UBAP2: variants seen among roughly 807,000 people sequenced by gnomAD.
UBAP2 encodes the protein ubiquitin-associated protein 2.
In UBAP2, 75 loss-of-function variants were observed where a neutral mutation model predicts 139.6. The ratio of observed to expected loss-of-function variants is 0.54; its 90% CI spans 0.45 to 0.65. The LOEUF (loss-of-function observed/expected upper bound fraction) is 0.65, where lower values mean the gene tolerates loss of function less well. Ranked by LOEUF, UBAP2 falls within the 30% of genes least tolerant of loss-of-function variation. The pLI is 0.00. For synonymous variants in UBAP2, 526 were observed against 526.2 expected (o/e 1.00, Z 0.01); for missense variants, 1,368 against 1,369.6 (o/e 1.00, Z 0.02).
Position 34,025,888 on chromosome 9 carries a change from G to GT in UBAP2, c.-41-8700dup, listed in dbSNP as rs577959098. Among the ~76,000 whole-genome samples, 60 of 152,134 alleles carry GT rather than the reference G, an allele frequency of 3.9e-4. No homozygotes were observed. The East Asian group carries it at 0.01, about 26-fold the overall frequency. On this transcript the variant is annotated intron_variant, in intron 1 of 28. Coordinates refer to ENST00000379238, the MANE Select transcript of UBAP2 (RefSeq NM_001370062.2). ...AGCTACCATGCCCGGTTTAACTGCT[G>GT]TTTTTTTCAAGGACCTTTCTGAAGA...
chr9:33,942,861 C>G (rs1825356995), intron 15 of UBAP2, among the ~76,000 whole-genome samples: 1 of 152,168 alleles, frequency 6.6e-6, no homozygotes, highest in South Asian at 2.1e-4. Context: ...GTAGGAATGT[C>G]AAATGCTACA....
At chr9:33,960,528 C>A (rs1166599752) in intron 10 of UBAP2, among the ~76,000 whole-genome samples, 1 of 152,028 alleles carries the variant, frequency 6.6e-6, no homozygotes, top group Non-Finnish European at 1.5e-5. Flanking sequence ...ATAATCCCAG[C>A]ACTTTGGGAG....
At chr9:33,992,993 CACAA>C (rs1369162663) in intron 4 of UBAP2, among the ~76,000 whole-genome samples, 1 of 152,174 alleles carries the variant, frequency 6.6e-6, no homozygotes, top group Admixed American at 6.5e-5. Context: ...AAACTACCAA[CACAA>C]ACAACTTACT....
chr9:34,028,162 T>C (rs963417538), intron 1 of UBAP2, among the ~76,000 whole-genome samples: 1 of 151,972 alleles, frequency 6.6e-6, no homozygotes, highest in Non-Finnish European at 1.5e-5. Context: ...CACAAAGTTA[T>C]CTGCTGTTCC....
intron 3 of UBAP2, chr9:33,996,666 C>A (rs1427934220): frequency 4.5e-6 from 1 of 224,256 alleles, no homozygotes; most frequent in Admixed American, 5.7e-5. Context: ...TTCAAGCACA[C>A]AGGATTCCTA....
At chr9:33,935,556 C>T (rs1824421594) in intron 17 of UBAP2, 1 of 432,332 alleles carries the variant, frequency 2.3e-6, no homozygotes, top group Non-Finnish European at 4.1e-6. Context: ...CATCAGCCAC[C>T]CCGCCTGGCC....
At chr9:33,973,376 C>CA in intron 6 of UBAP2, 139 bp from the exon 7 acceptor site, 1 of 874,652 alleles carries the variant, frequency 1.1e-6, no homozygotes, top group East Asian at 2.6e-5. Flanking sequence ...CCAGGGCACC[C>CA]AATTAACTGA....
chr9:33,942,839 C>T (rs1191268551), intron 15 of UBAP2, among the ~76,000 whole-genome samples: 2 of 152,150 alleles, frequency 1.3e-5, no homozygotes, highest in Admixed American at 1.3e-4. Flanking sequence ...TTAGATCCCT[C>T]ATAGACTACT....
intron 2 of UBAP2, among the ~76,000 whole-genome samples, chr9:34,016,540 C>G (rs751191735): frequency 5.8e-4 from 88 of 151,808 alleles, no homozygotes; most frequent in Admixed American, 2.1e-3. Flanking sequence ...TCATTACCTA[C>G]TTTTTATTTT....
At chr9:33,926,584 C>A in intron 22 of UBAP2, 33 bp downstream of exon 22, 1 of 1,613,700 alleles carries the variant, frequency 6.2e-7, no homozygotes, top group Non-Finnish European at 8.5e-7. Flanking sequence ...AGATTCTGAA[C>A]CCTCTGCTCC....
chr9:33,979,224 T>A (rs1360953472), intron 6 of UBAP2, among the ~76,000 whole-genome samples: 1 of 152,082 alleles, frequency 6.6e-6, no homozygotes, highest in Non-Finnish European at 1.5e-5. Context: ...GGTAACAGAG[T>A]GAGACCCTGT....
chr9:34,032,619 A>G (rs1825979270), intron 1 of UBAP2, among the ~76,000 whole-genome samples: 1 of 152,166 alleles, frequency 6.6e-6, no homozygotes, highest in Non-Finnish European at 1.5e-5. Flanking sequence ...CCAGTCACAG[A>G]GATTAAGAAT....
intron 2 of UBAP2, chr9:34,011,517 A>G: frequency 1.8e-6 from 1 of 547,006 alleles, no homozygotes; most frequent in South Asian, 8.0e-5. Flanking sequence ...TATTTTTTTT[A>G]ACTTTATAAA....
intron 1 of UBAP2, among the ~76,000 whole-genome samples, chr9:34,026,720 G>A (rs952317334): frequency 2.0e-5 from 3 of 152,136 alleles, no homozygotes; most frequent in Non-Finnish European, 1.5e-5. Context: ...ACACTCTAGA[G>A]TACACATTAC....
chr9:34,032,936 T>C (rs1005485703), intron 1 of UBAP2, among the ~76,000 whole-genome samples: 2 of 130,734 alleles, frequency 1.5e-5, no homozygotes, highest in Non-Finnish European at 3.4e-5. Context: ...AAAAAAAAAA[T>C]CAACATCTTT....
chr9:33,939,750 GGGGGGA>G (rs1350197648), intron 16 of UBAP2, among the ~76,000 whole-genome samples: 1 of 83,714 alleles, frequency 1.2e-5, no homozygotes, highest in Non-Finnish European at 2.4e-5. Flanking sequence ...GAGGGAGAAG[GGGGGGA>G]GGGGGAGGGG....
intron 4 of UBAP2, among the ~76,000 whole-genome samples, chr9:33,993,174 T>C (rs1409615525): frequency 6.6e-6 from 1 of 152,212 alleles, no homozygotes; most frequent in Non-Finnish European, 1.5e-5. Context: ...AAAAACATCA[T>C]GGACGATTCC....
At chr9:33,980,088 A>G (rs906770448) in intron 6 of UBAP2, among the ~76,000 whole-genome samples, 1 of 151,866 alleles carries the variant, frequency 6.6e-6, no homozygotes, top group Non-Finnish European at 1.5e-5. Context: ...ACAACAAAAA[A>G]CTGTATCATG....
At chr9:33,924,755 G>A (rs1226557031) in intron 22 of UBAP2, among the ~76,000 whole-genome samples, 1 of 152,200 alleles carries the variant, frequency 6.6e-6, no homozygotes, top group Non-Finnish European at 1.5e-5. Context: ...GACCCCAGGT[G>A]AAGCCCAGAA....
Sources: allele counts gnomAD v4.1 joint callset (sites outside exome capture counted in the v4.1 genomes callset), GRCh38; gene constraint gnomAD v4.1.1; transcripts MANE v1.5; gene names NCBI Gene and HGNC (gene_info 2026-07-23, HGNC 2026-07-21).